RGS3: variants seen among roughly 807,000 people sequenced by gnomAD.
RGS3 encodes regulator of G-protein signalling 3.
RGS3 carries 80 observed loss-of-function variants against 132.6 expected under a neutral mutation model. The ratio of observed to expected loss-of-function variants is 0.60; its 90% CI spans 0.50 to 0.73. The LOEUF (loss-of-function observed/expected upper bound fraction) is 0.73, where lower values mean the gene tolerates loss of function less well. Ranked by LOEUF, RGS3 falls within the 30% of genes least tolerant of loss-of-function variation. The probability of loss-of-function intolerance (pLI) is 0.00; values close to 1 mark genes in which losing one functional copy is unlikely to be tolerated. For synonymous variants in RGS3, 598 were observed against 620.6 expected, an observed-to-expected ratio of 0.96 and a Z score of 0.54; for missense variants, 1,382 against 1,530.8, an observed-to-expected ratio of 0.90 and a Z score of 1.62.
intron 1 of RGS3, chr9:113,461,695 T>C (rs775333327): frequency 1.9e-6 from 3 of 1,610,470 alleles, no homozygotes; most frequent in Non-Finnish European, 2.5e-6. Flanking sequence ...GCCTCGGTCT[T>C]TTCTCTCCTA....
intron 19 of RGS3, among the ~76,000 whole-genome samples, chr9:113,568,746 G>A (rs964211505): frequency 1.3e-5 from 2 of 152,230 alleles, no homozygotes; most frequent in African/African-American, 4.8e-5. Flanking sequence ...GAATAAACAA[G>A]GCTGCTTATG....
intron 18 of RGS3, among the ~76,000 whole-genome samples, chr9:113,533,512 T>C (rs2118574891): frequency 6.6e-6 from 1 of 152,318 alleles, no homozygotes; most frequent in East Asian, 1.9e-4. Context: ...ATTGCAGGCA[T>C]GAGCCACCGT....
rs1833940767 is a variant in RGS3 at position 113,565,207 on chromosome 9, T to C, written c.2038-18243T>C. The C allele has an allele frequency of 4.0e-6, 5 of 1,251,098 alleles. No individual in the cohort carries two copies. The highest frequency in any genetic ancestry group is 5.2e-6 in the Non-Finnish European group (5 of 968,764). The allele number at this position is 1,251,098 out of a possible 1,614,324, so 77.5% of individuals were successfully genotyped here. Reference sequence around the variant, plus strand: ...GGAGCCAGCTGGGCCCCTCGCGGGGTGGGCAGAAGGACGGGCTGGCCCAGG... The same window carrying C: ...GGAGCCAGCTGGGCCCCTCGCGGGGCGGGCAGAAGGACGGGCTGGCCCAGG... On this transcript the variant is annotated intron_variant, in intron 19 of 24. Coordinates refer to ENST00000350696, the Ensembl canonical transcript of RGS3. The surrounding 1 kb of genome is among the most constrained non-coding windows in gnomAD (Gnocchi z 5.7).
At chr9:113,458,307 T>C (rs944052243), upstream of RGS3, among the ~76,000 whole-genome samples, 4 of 152,358 alleles carry the variant, frequency 2.6e-5, no homozygotes, top group South Asian at 8.3e-4. Context: ...CATTTGAAAA[T>C]GTAAAATGCA....
At chr9:113,497,586 T>A (rs539641653) in intron 9 of RGS3, among the ~76,000 whole-genome samples, 182 bp downstream of exon 7, 1 of 152,176 alleles carries the variant, frequency 6.6e-6, no homozygotes, top group African/African-American at 2.4e-5. Context: ...CTCTTGCCCA[T>A]GCCTCCACTG....
exon 25 of RGS3, chr9:113,597,079 T>C: frequency 1.3e-6 from 1 of 785,416 alleles, no homozygotes; most frequent in African/African-American, 1.7e-5. Flanking sequence ...GACAGACGGA[T>C]AGACATACGG....
intron 17 of RGS3, among the ~76,000 whole-genome samples, chr9:113,526,739 A>G (rs1454148474): frequency 6.6e-6 from 1 of 152,086 alleles, no homozygotes; most frequent in Non-Finnish European, 1.5e-5. Flanking sequence ...GTGATTGGGG[A>G]TCCCTCCTGC....
intron 19 of RGS3, among the ~76,000 whole-genome samples, chr9:113,568,242 T>C (rs369282153): frequency 6.6e-6 from 1 of 152,230 alleles, no homozygotes; most frequent in African/African-American, 2.4e-5. Context: ...AGGTTTCATC[T>C]TGGGGCTCTC....
At chr9:113,563,096 A>T (rs1386372672) in intron 19 of RGS3, among the ~76,000 whole-genome samples, 1 of 152,218 alleles carries the variant, frequency 6.6e-6, no homozygotes, top group African/African-American at 2.4e-5. Flanking sequence ...GCCTTGGGGC[A>T]CTGAGCTGCT....
In RGS3 at chr9:113,565,206, G is replaced by A. The variant is rs538113254; in HGVS notation, c.2038-18244G>A. The A allele has an allele frequency of 1.3e-5, 16 of 1,254,382 alleles. No individual in the cohort carries two copies. Among genetic ancestry groups the A allele is most frequent in the Admixed American group, 2.5e-5 (1 of 39,274 alleles). 77.7% of individuals were successfully genotyped at this position (1,254,382 alleles called of 1,614,324 possible). On this transcript the variant is annotated intron_variant, in intron 19 of 24. Coordinates refer to ENST00000350696, the Ensembl canonical transcript of RGS3. The surrounding 1 kb of genome is among the most constrained non-coding windows in gnomAD (Gnocchi z 5.7). The stretch of plus-strand genomic sequence containing the variant: ...GGGAGCCAGCTGGGCCCCTCGCGGG[G>A]TGGGCAGAAGGACGGGCTGGCCCAG...
At chr9:113,491,379 G>A (rs887524851) in intron 7 of RGS3, among the ~76,000 whole-genome samples, 7 of 151,544 alleles carry the variant, frequency 4.6e-5, no homozygotes, top group African/African-American at 1.7e-4. Flanking sequence ...CTCCCAAGTA[G>A]CTGGCACTCT....
rs777493957 is a variant in RGS3, at chr9:113,517,280, T to A, written c.1675-261T>A. 18 of 614,902 alleles carry A rather than the reference T, an allele frequency of 2.9e-5. 1 individual carries two copies. Among genetic ancestry groups the A allele is most frequent in the South Asian group, 2.7e-4 (18 of 65,928 alleles). The allele number at this position is 614,902 out of a possible 1,614,324, so 38.1% of individuals were successfully genotyped here. ...AGAGGGCCTAAGCCTGTGGTTAGAC[T>A]TCCTGTCAATGAGTGTAGCTCTCAC... On this transcript the variant is annotated intron_variant, in intron 15 of 24. Coordinates refer to ENST00000350696, the Ensembl canonical transcript of RGS3.
chr9:113,479,507 C>A, exon 4 of RGS3: 1 of 1,614,186 alleles, frequency 6.2e-7, no homozygotes, highest in Non-Finnish European at 8.5e-7. Flanking sequence ...TGAGGCTGTC[C>A]ATTGATGCCC....
intron 19 of RGS3, among the ~76,000 whole-genome samples, chr9:113,544,104 A>G (rs1385346534): frequency 2.6e-5 from 4 of 152,180 alleles, no homozygotes; most frequent in African/African-American, 9.7e-5. Context: ...CCTCCCTGCT[A>G]CATAAATCAT....
At chr9:113,448,292 A>G (rs529595634) in intron 1 of RGS3, among the ~76,000 whole-genome samples, 113 of 152,156 alleles carry the variant, frequency 7.4e-4, no homozygotes, top group African/African-American at 2.6e-3. Flanking sequence ...TACAAGCCTC[A>G]CAAGGCAGGG....
chr9:113,585,416 G>A (rs1835070172), intron 20 of RGS3, among the ~76,000 whole-genome samples: 1 of 152,264 alleles, frequency 6.6e-6, no homozygotes, highest in Non-Finnish European at 1.5e-5. Flanking sequence ...GGCCCTCAGG[G>A]AATGCTGGGC....
chr9:113,524,769 G>A (rs1443210086), intron 17 of RGS3, among the ~76,000 whole-genome samples: 1 of 152,238 alleles, frequency 6.6e-6, no homozygotes, highest in Non-Finnish European at 1.5e-5. Flanking sequence ...GCTGTGAGCA[G>A]CTGCTGGACC....
intron 6 of RGS3, among the ~76,000 whole-genome samples, chr9:113,485,129 C>G (rs1369113934): frequency 6.6e-6 from 1 of 152,008 alleles, no homozygotes; most frequent in African/African-American, 2.4e-5. Context: ...GCTCTGTCAC[C>G]CAGGCTGGAG....
At chr9:113,448,868 A>G (rs1334702318) in intron 1 of RGS3, among the ~76,000 whole-genome samples, 1 of 152,192 alleles carries the variant, frequency 6.6e-6, no homozygotes, top group African/African-American at 2.4e-5. Flanking sequence ...CACTTTGGAT[A>G]TTACCATTTA....
Sources: allele counts gnomAD v4.1 joint callset (sites outside exome capture counted in the v4.1 genomes callset), GRCh38; gene constraint gnomAD v4.1.1; non-coding constraint Gnocchi (gnomAD v3.1); transcripts MANE v1.5; gene names NCBI Gene and HGNC (gene_info 2026-07-23, HGNC 2026-07-21).